The following MAP3K1 variants were observed in gnomAD, a reference collection of about 807,000 sequenced individuals.
MAP3K1 encodes mitogen-activated protein kinase kinase kinase 1, also known as MAP/ERK kinase kinase 1.
In MAP3K1, 36 loss-of-function variants were observed where a neutral mutation model predicts 144.2. The observed-to-expected ratio is 0.25, with a 90% CI of 0.19 to 0.33. The LOEUF (loss-of-function observed/expected upper bound fraction) is 0.33. MAP3K1 is among the 10% of genes least tolerant of loss of function. MAP3K1 has a pLI of 1.00. For missense variants in MAP3K1, 1,650 were observed against 1,881.9 expected (o/e 0.88, Z 2.28); for synonymous variants, 718 against 688.7 (o/e 1.04, Z -0.67).
At position 56,815,817 on chromosome 5, in the gene MAP3K1, G is replaced by C. The variant is rs1745930744; in HGVS notation, c.244G>C (p.Ala82Pro). Residue 82 changes from alanine (A) to proline (P), a missense_variant, in exon 1 of 20, where the codon GCC (alanine) becomes CCC (proline). Ala to Pro is a conservative substitution (Grantham distance 27). Around this residue, in one of 6 missense-constraint regions of MAP3K1, gnomAD observed 360 missense variants for 274.7 expected, o/e 1.31. Coordinates refer to ENST00000399503, the MANE Select transcript of MAP3K1 (RefSeq NM_005921.2). ...GCCTGAGCAGCCGCTCTTCCTTGCCGCCTCACCGCCGGCCTCCTCGACTTC... is the reference window on the plus strand; with the variant it reads ...GCCTGAGCAGCCGCTCTTCCTTGCCCCCTCACCGCCGGCCTCCTCGACTTC... ...QLPEQPLFLA[A>P]SPPASSTSPS... 1.4e-6 allele frequency: 2 copies of C among 1,422,100 alleles called. No individual in the cohort carries two copies. The highest frequency in any genetic ancestry group is 1.8e-6 in the Non-Finnish European group (2 of 1,084,826). The allele number at this position is 1,422,100 out of a possible 1,614,324, so 88.1% of individuals were successfully genotyped here.
In MAP3K1 at chr5:56,846,534, A is replaced by G. The variant is rs117905002; in HGVS notation, c.483-10066A>G. 5.2e-4 allele frequency among the ~76,000 whole-genome samples: 79 copies of G among 152,330 alleles called. 1 individual carries two copies. The East Asian group carries it at 0.015, about 28-fold the overall frequency. On this transcript the variant is annotated intron_variant, in intron 1 of 19. Coordinates refer to ENST00000399503, the MANE Select transcript of MAP3K1 (RefSeq NM_005921.2). Reference sequence around the variant, plus strand: ...TAGTCTTCTAGAGTTTTCATTTGCTACCAAGTTAACTTGCTTACTAACTTG... The same window carrying G: ...TAGTCTTCTAGAGTTTTCATTTGCTGCCAAGTTAACTTGCTTACTAACTTG...
intron 1 of MAP3K1, among the ~76,000 whole-genome samples, chr5:56,836,456 C>T (rs1001788179): frequency 3.3e-5 from 5 of 152,018 alleles, no homozygotes; most frequent in African/African-American, 7.2e-5. Context: ...GAGTTAATTT[C>T]GGACCTATTT....
chr5:56,860,047 G>T, intron 3 of MAP3K1, 132 bp downstream of exon 3: 1 of 828,462 alleles, frequency 1.2e-6, no homozygotes, highest in Non-Finnish European at 2.0e-6. Flanking sequence ...TGAGGATGGG[G>T]GGGGTGGTTC....
At chr5:56,827,879 A>C (rs1746368787) in intron 1 of MAP3K1, among the ~76,000 whole-genome samples, 3 of 151,864 alleles carry the variant, frequency 2.0e-5, no homozygotes, top group Admixed American at 6.6e-5. Flanking sequence ...AAAAAAAAGA[A>C]CCTGGGCCCT....
rs79103172 is a variant in MAP3K1, at chr5:56,848,701, T to G, written c.483-7899T>G. Among the ~76,000 whole-genome samples, 587 of 152,336 alleles carry G rather than the reference T, an allele frequency of 3.9e-3. 2 individuals are homozygous for G. Among genetic ancestry groups the G allele is most frequent in the African/African-American group, 0.012 (487 of 41,570 alleles). ...CCTGTAATTGTGCTGGAGAATACTT[T>G]TAATTTTAAAACTCAAATGGAGTGG... On this transcript the variant is annotated intron_variant, in intron 1 of 19. Coordinates refer to ENST00000399503, the MANE Select transcript of MAP3K1 (RefSeq NM_005921.2).
At chr5:56,857,836 G>T (rs193257532) in intron 2 of MAP3K1, among the ~76,000 whole-genome samples, 52 of 152,268 alleles carry the variant, frequency 3.4e-4, no homozygotes, top group African/African-American at 1.2e-3. Context: ...TCACTGAGCT[G>T]CAGTCTGTCA....
At chr5:56,819,850 T>G (rs1192943922) in intron 1 of MAP3K1, among the ~76,000 whole-genome samples, 1 of 152,210 alleles carries the variant, frequency 6.6e-6, no homozygotes, top group African/African-American at 2.4e-5. Flanking sequence ...TAAAGCAACT[T>G]AAACATGTAA....
At position 56,894,370 on chromosome 5, in the gene MAP3K1, G is replaced by GA. The variant is rs1030459776; in HGVS notation, c.*700dup. On this transcript the variant is annotated 3_prime_UTR_variant, in exon 20 of 20. Transcript: ENST00000399503. ...GAAAGCTGATCTTTTTTTCAAACCAGAAAAAAAAAATGAACTAGATATGAA... is the reference window on the plus strand; with the variant it reads ...GAAAGCTGATCTTTTTTTCAAACCAGAAAAAAAAAAATGAACTAGATATGAA... 946 of 205,640 alleles carry GA rather than the reference G, an allele frequency of 4.6e-3. No homozygotes were observed. The highest frequency in any genetic ancestry group is 6.9e-3 in the East Asian group (94 of 13,694). The allele number at this position is 205,640 out of a possible 1,614,324, so 12.7% of individuals were successfully genotyped here. A position where few individuals can be genotyped will look rare whatever the true frequency, so the allele number is the denominator to read the frequency against.
At chr5:56,858,617 A>C (rs954726011) in intron 2 of MAP3K1, among the ~76,000 whole-genome samples, 1 of 152,192 alleles carries the variant, frequency 6.6e-6, no homozygotes, top group Non-Finnish European at 1.5e-5. Context: ...TAAAGGGTAA[A>C]TATCTCCAAA....
intron 6 of MAP3K1, among the ~76,000 whole-genome samples, chr5:56,868,005 A>G (rs186964040): frequency 2.6e-4 from 39 of 152,316 alleles, no homozygotes; most frequent in Non-Finnish European, 4.1e-4. Flanking sequence ...TTATGCATGA[A>G]CCCAGTTTTA....
In MAP3K1 at chr5:56,864,991, A is replaced by C. The variant is rs970573143; in HGVS notation, c.1035+57A>C. Reference sequence around the variant, plus strand: ...GTAGTAGTATATGGTACTACCTCAAATTTATATACTATAATGTTCTTAAAT... The same window carrying C: ...GTAGTAGTATATGGTACTACCTCAACTTTATATACTATAATGTTCTTAAAT... On this transcript the variant is annotated intron_variant, in intron 4 of 19. Coordinates refer to ENST00000399503, the MANE Select transcript of MAP3K1 (RefSeq NM_005921.2). The C allele has an allele frequency of 5.6e-6, 8 of 1,419,782 alleles. No individual in the cohort carries two copies. The African/African-American group carries it at 9.9e-5, about 18-fold the overall frequency. The allele number at this position is 1,419,782 out of a possible 1,614,324, so 87.9% of individuals were successfully genotyped here.
rs749900834 is a variant in MAP3K1 at position 56,864,815 on chromosome 5, C to T, written c.916C>T (p.Arg306Cys). 1.1e-5 allele frequency: 18 copies of T among 1,613,914 alleles called. No individual in the cohort carries two copies. The highest frequency in any genetic ancestry group is 5.3e-5 in the African/African-American group (4 of 74,870). Residue 306 changes from arginine (R) to cysteine (C), a missense_variant, in exon 4 of 20, where the codon CGC (arginine) becomes TGC (cysteine). Transcript: ENST00000399503. ...FSPYSPEETNRRVNKVMRARL... is the reference protein window; with the variant it reads ...FSPYSPEETNCRVNKVMRARL... ...ACCATATAGCCCTGAGGAAACAAACCGCCGTGTTAACAAAGTGATGCGGGC... is the reference window on the plus strand; with the variant it reads ...ACCATATAGCCCTGAGGAAACAAACTGCCGTGTTAACAAAGTGATGCGGGC...
At chr5:56,878,426 T>C (rs1208198392) in intron 10 of MAP3K1, among the ~76,000 whole-genome samples, 1 of 152,216 alleles carries the variant, frequency 6.6e-6, no homozygotes, top group Non-Finnish European at 1.5e-5. Flanking sequence ...GTTCTGCACA[T>C]GTACCCCACA....
At chr5:56,837,783 T>G (rs1368601397) in intron 1 of MAP3K1, among the ~76,000 whole-genome samples, 1 of 152,196 alleles carries the variant, frequency 6.6e-6, no homozygotes, top group South Asian at 2.1e-4. Flanking sequence ...TCCTCACGGA[T>G]CTCAAAGTCA....
chr5:56,834,707 TCAAAA>T (rs1561168231), intron 1 of MAP3K1, among the ~76,000 whole-genome samples: 1 of 151,968 alleles, frequency 6.6e-6, no homozygotes, highest in African/African-American at 2.4e-5. Context: ...AGACTCCATC[TCAAAA>T]CAAAGAAAGA....
At chr5:56,880,647 C>G (rs1748176163) in intron 11 of MAP3K1, 64 bp from the exon 12 acceptor site, 1 of 1,079,572 alleles carries the variant, frequency 9.3e-7, no homozygotes, top group East Asian at 2.4e-5. Context: ...TACATTACTC[C>G]TCTAATATTG....
At chr5:56,820,287 T>C in intron 1 of MAP3K1, 1 of 257,714 alleles carries the variant, frequency 3.9e-6, no homozygotes. Context: ...AGAAGACAGC[T>C]AGGATTCAAT....
intron 1 of MAP3K1, among the ~76,000 whole-genome samples, chr5:56,843,794 A>G (rs1293617415): frequency 1.3e-5 from 2 of 152,160 alleles, no homozygotes; most frequent in Admixed American, 6.5e-5. Context: ...CCTTAATTGC[A>G]CTACAGACAT....
chr5:56,851,526 G>A (rs1747172665), intron 1 of MAP3K1, among the ~76,000 whole-genome samples: 1 of 152,124 alleles, frequency 6.6e-6, no homozygotes, highest in Admixed American at 6.5e-5. Flanking sequence ...GTTGACTTTT[G>A]TTGCTTCTGC....
Sources: allele counts gnomAD v4.1 joint callset (sites outside exome capture counted in the v4.1 genomes callset), GRCh38; gene constraint gnomAD v4.1.1; regional missense constraint gnomAD v4.1.1; transcripts MANE v1.5; gene names NCBI Gene and HGNC (gene_info 2026-07-23, HGNC 2026-07-21).